ARID4B: variants seen among roughly 807,000 people sequenced by gnomAD.
The protein encoded by ARID4B is AT-rich interaction domain 4B.
A neutral mutation model predicts 147.5 loss-of-function variants in ARID4B; 26 were observed. The ratio of observed to expected loss-of-function variants is 0.18; its 90% CI spans 0.13 to 0.24. ARID4B has a LOEUF of 0.24. ARID4B is among the 10% of genes least tolerant of loss of function. The pLI is 1.00. For synonymous variants in ARID4B, 512 were observed against 507.9 expected (o/e 1.01, Z -0.11); for missense variants, 1,179 against 1,511.5 (o/e 0.78, Z 3.65).
In ARID4B at chr1:235,318,168, CTTTTTTT is replaced by C. The variant is rs372816686; in HGVS notation, c.6+8739_6+8745del. 8.2e-4 allele frequency among the ~76,000 whole-genome samples: 92 copies of C among 111,996 alleles called. 1 individual carries two copies. The highest frequency in any genetic ancestry group is 4.9e-4 in the Non-Finnish European group (28 of 57,428). 73.5% of individuals were successfully genotyped at this position (111,996 alleles called of 152,430 possible). A position where few individuals can be genotyped will look rare whatever the true frequency, so the allele number is the denominator to read the frequency against. ...AGCATAGTATTAACACTTGCTACTC[CTTTTTTT>C]TTTTTTTTTTTTTTTTTTTGAGACG... On this transcript the variant is annotated intron_variant, in intron 2 of 23. Transcript: ENST00000264183.
At chr1:235,216,980 G>C (rs941153027) in intron 16 of ARID4B, among the ~76,000 whole-genome samples, 11 of 152,120 alleles carry the variant, frequency 7.2e-5, no homozygotes, top group African/African-American at 2.7e-4. Context: ...ACTCCAAGCT[G>C]TATCTTACAT....
intron 2 of ARID4B, among the ~76,000 whole-genome samples, chr1:235,272,058 C>T (rs1048204425): frequency 6.6e-6 from 1 of 152,162 alleles, no homozygotes; most frequent in Non-Finnish European, 1.5e-5. Context: ...CAACAAGAAA[C>T]ATCAATCTTT....
chr1:235,292,993 A>G (rs956010062), intron 2 of ARID4B, among the ~76,000 whole-genome samples: 7 of 152,300 alleles, frequency 4.6e-5, no homozygotes, highest in African/African-American at 1.7e-4. Context: ...TCCACAATAC[A>G]TTCCTCATTC....
intron 2 of ARID4B, among the ~76,000 whole-genome samples, chr1:235,284,726 T>C (rs1377601899): frequency 6.6e-6 from 1 of 152,026 alleles, no homozygotes; most frequent in Non-Finnish European, 1.5e-5. Context: ...TATAATGACA[T>C]TATGAGAAAA....
chr1:235,176,429 A>G (rs1663871633), intron 21 of ARID4B, among the ~76,000 whole-genome samples: 1 of 140,914 alleles, frequency 7.1e-6, no homozygotes, highest in African/African-American at 2.8e-5. Flanking sequence ...TTCACTTAAC[A>G]ACATCACCAA....
intron 2 of ARID4B, among the ~76,000 whole-genome samples, chr1:235,293,555 A>G (rs1391279306): frequency 6.6e-6 from 1 of 152,196 alleles, no homozygotes; most frequent in African/African-American, 2.4e-5. Context: ...CTACCTATAG[A>G]TAGTATAAAT....
At chr1:235,250,325 T>C (rs143262745) in intron 6 of ARID4B, among the ~76,000 whole-genome samples, 2 of 151,460 alleles carry the variant, frequency 1.3e-5, no homozygotes, top group South Asian at 2.1e-4. Flanking sequence ...ACTAATACTC[T>C]GAATGGTCTT....
At chr1:235,206,314 AG>A in intron 17 of ARID4B, among the ~76,000 whole-genome samples, 1 of 152,342 alleles carries the variant, frequency 6.6e-6, no homozygotes, top group Non-Finnish European at 1.5e-5. Context: ...AAAAAAGAAA[AG>A]GAGGGGGAGG....
At position 235,309,498 on chromosome 1, in the gene ARID4B, G is replaced by A. The variant is rs530938752; in HGVS notation, c.6+17416C>T. ...GCGCCTCTGCCCGGCCGCCCCTACT[G>A]GAAAGTGAGGAGCCCCTCTGCCCGG... On this transcript the variant is annotated intron_variant, in intron 2 of 23. Transcript: ENST00000264183. Among the ~76,000 whole-genome samples, 26 of 148,230 alleles carry A rather than the reference G, an allele frequency of 1.8e-4. 1 individual carries two copies. The highest frequency in any genetic ancestry group is 6.2e-4 in the African/African-American group (25 of 40,290).
At chr1:235,318,427 T>A (rs1449493489) in intron 2 of ARID4B, among the ~76,000 whole-genome samples, 1 of 151,986 alleles carries the variant, frequency 6.6e-6, no homozygotes, top group Non-Finnish European at 1.5e-5. Flanking sequence ...CCACATCGGC[T>A]TCCCAAAGTG....
At chr1:235,180,114 TTTTC>T in intron 20 of ARID4B, 1 of 148,182 alleles carries the variant, frequency 6.7e-6, no homozygotes, top group Non-Finnish European at 1.5e-5. Context: ...AAACCTGTTT[TTTTC>T]TTTCTTTTCT....
chr1:235,168,512 G>C lies in ARID4B; in HGVS notation c.*13C>G, dbSNP rs1055146800. On this transcript the variant is annotated 3_prime_UTR_variant, in exon 24 of 24. Coordinates refer to ENST00000264183, the MANE Select transcript of ARID4B (RefSeq NM_016374.6). ...CAGCCATTAAGTGCAAAGTGCTTTAGCAAGTCCTGCTGTCACCTGCACTCA... is the reference window on the plus strand; with the variant it reads ...CAGCCATTAAGTGCAAAGTGCTTTACCAAGTCCTGCTGTCACCTGCACTCA... The C allele has an allele frequency of 1.2e-6, 2 of 1,613,398 alleles. No homozygotes were observed. The highest frequency in any genetic ancestry group is 2.7e-5 in the African/African-American group (2 of 74,868).
chr1:235,196,670 G>A (rs533533509), intron 17 of ARID4B, among the ~76,000 whole-genome samples: 70 of 151,960 alleles, frequency 4.6e-4, no homozygotes, highest in African/African-American at 1.5e-3. Context: ...ACGCTAACAC[G>A]GTGAAACCCC....
At chr1:235,236,164 C>T (rs1283324275) in intron 8 of ARID4B, among the ~76,000 whole-genome samples, 1 of 152,028 alleles carries the variant, frequency 6.6e-6, no homozygotes, top group Admixed American at 6.6e-5. Flanking sequence ...AAATTAGAAA[C>T]ACAAATACTA....
intron 11 of ARID4B, among the ~76,000 whole-genome samples, chr1:235,225,840 A>ATTTT (rs912777907): frequency 2.7e-5 from 4 of 150,808 alleles, no homozygotes; most frequent in African/African-American, 9.7e-5. Flanking sequence ...AAGAAAGGTA[A>ATTTT]TTTTTTTTTT....
chr1:235,216,558 G>GT (rs1667094896), intron 16 of ARID4B, among the ~76,000 whole-genome samples: 1 of 152,042 alleles, frequency 6.6e-6, no homozygotes, highest in African/African-American at 2.4e-5. Context: ...GGCCAGGCTG[G>GT]TCTCGAACTC....
intron 7 of ARID4B, among the ~76,000 whole-genome samples, chr1:235,240,796 C>G (rs939071262): frequency 6.6e-6 from 1 of 152,096 alleles, no homozygotes; most frequent in African/African-American, 2.4e-5. Flanking sequence ...ATCCCAATCT[C>G]AAATTAAAGG....
chr1:235,277,496 G>A lies in ARID4B; in HGVS notation c.7-16744C>T, dbSNP rs1024396728. Among the ~76,000 whole-genome samples the A allele has an allele frequency of 1.4e-4, 20 of 147,980 alleles. No individual in the cohort carries two copies. The East Asian group carries it at 3.4e-3, about 25-fold the overall frequency. On this transcript the variant is annotated intron_variant, in intron 2 of 23. Coordinates refer to ENST00000264183, the MANE Select transcript of ARID4B (RefSeq NM_016374.6). ...GGAGCTTGCAGTGAGCCGAGATCCC[G>A]CCACTGCACTCCAGCCTGGGCGACA...
intron 17 of ARID4B, among the ~76,000 whole-genome samples, chr1:235,196,638 A>G (rs536148960): frequency 1.3e-5 from 2 of 152,084 alleles, no homozygotes; most frequent in South Asian, 2.1e-4. Flanking sequence ...CAGATCACGA[A>G]GTCAGGAGAT....
Sources: gnomAD v4.1 joint callset for allele counts (sites outside exome capture counted in the v4.1 genomes callset) on GRCh38, gnomAD v4.1.1 for gene constraint, MANE v1.5 for transcripts, NCBI Gene and HGNC (gene_info 2026-07-23, HGNC 2026-07-21) for gene names.